TMOD2: variants seen among roughly 807,000 people sequenced by gnomAD.
The protein encoded by TMOD2 is tropomodulin-2.
A neutral mutation model predicts 39.9 loss-of-function variants in TMOD2; 22 were observed. The ratio of observed to expected loss-of-function variants is 0.55; its 90% CI spans 0.39 to 0.79. The LOEUF is 0.79. TMOD2 is among the 30% of genes least tolerant of loss of function. The pLI is 0.00. For synonymous variants in TMOD2, 123 were observed against 146.1 expected (o/e 0.84, Z 1.14); for missense variants, 386 against 413.3 (o/e 0.93, Z 0.57).
At chr15:51,802,139 C>T (rs2056094554) in intron 8 of TMOD2, among the ~76,000 whole-genome samples, 1 of 151,660 alleles carries the variant, frequency 6.6e-6, no homozygotes, top group South Asian at 2.1e-4. Flanking sequence ...AATTCCTCCC[C>T]TTTTTTATAT....
chr15:51,806,014 A>G (rs2056119309), intron 8 of TMOD2, among the ~76,000 whole-genome samples: 1 of 152,254 alleles, frequency 6.6e-6, no homozygotes, highest in South Asian at 2.1e-4. Flanking sequence ...TAGTTTCATT[A>G]TTTTTAAAAC....
chr15:51,801,273 A>ACACACACC (rs2056087138), intron 8 of TMOD2, among the ~76,000 whole-genome samples: 1 of 139,972 alleles, frequency 7.1e-6, no homozygotes, highest in Admixed American at 7.5e-5. Flanking sequence ...ACACACACAC[A>ACACACACC]CACACACACA....
intron 2 of TMOD2, 71 bp from the exon 3 acceptor site, chr15:51,768,191 G>T: frequency 1.9e-6 from 3 of 1,556,958 alleles, no homozygotes; most frequent in Non-Finnish European, 2.6e-6. Flanking sequence ...AGTGAGTGGG[G>T]GTGGAAGAGG....
intron 1 of TMOD2, chr15:51,756,203 C>G (rs1333873965): frequency 6.6e-6 from 1 of 152,184 alleles, no homozygotes; most frequent in African/African-American, 2.4e-5. Context: ...TGCTTCCTAC[C>G]CAGGTGGAAA....
intron 7 of TMOD2, among the ~76,000 whole-genome samples, chr15:51,791,798 G>T (rs2056014226): frequency 6.6e-6 from 1 of 152,186 alleles, no homozygotes; most frequent in African/African-American, 2.4e-5. Flanking sequence ...AAACTGGCTA[G>T]CCATATGCAG....
chr15:51,782,492 A>G (rs1282921206), intron 6 of TMOD2, among the ~76,000 whole-genome samples: 1 of 151,896 alleles, frequency 6.6e-6, no homozygotes, highest in Non-Finnish European at 1.5e-5. Flanking sequence ...AAACAGAAAG[A>G]CGACACTCAG....
In TMOD2 at chr15:51,777,024, T is replaced by C. The variant is rs776228504; in HGVS notation, c.493+6T>C. ...TGGCAAAGGACCTGTCAGAAGTAAG[T>C]TGATGTGCAATCTGTGGTTTTGTAA... On this transcript the variant is annotated splice_donor_region_variant and intron_variant, in intron 5 of 9. Coordinates refer to ENST00000249700, the MANE Select transcript of TMOD2 (RefSeq NM_014548.4). 2.5e-6 allele frequency: 4 copies of C among 1,612,976 alleles called. No individual in the cohort carries two copies. The highest frequency in any genetic ancestry group is 3.4e-6 in the Non-Finnish European group (4 of 1,179,144).
intron 7 of TMOD2, among the ~76,000 whole-genome samples, chr15:51,797,477 T>C (rs1405854707): frequency 6.6e-6 from 1 of 152,242 alleles, no homozygotes; most frequent in Non-Finnish European, 1.5e-5. Flanking sequence ...TCTGTGAATC[T>C]TTCTATTTTC....
chr15:51,798,426 A>C, intron 8 of TMOD2, 86 bp downstream of exon 8: 1 of 1,495,580 alleles, frequency 6.7e-7, no homozygotes, highest in South Asian at 1.2e-5. Flanking sequence ...GTTAAAAGAC[A>C]CAGTTCTGTG....
At chr15:51,758,891 G>T (rs2055760459) in intron 1 of TMOD2, among the ~76,000 whole-genome samples, 1 of 152,118 alleles carries the variant, frequency 6.6e-6, no homozygotes, top group African/African-American at 2.4e-5. Flanking sequence ...TTGGAATTGG[G>T]CCAGGAGGCT....
intron 8 of TMOD2, among the ~76,000 whole-genome samples, chr15:51,805,704 T>C (rs2056117522): frequency 1.3e-5 from 2 of 152,218 alleles, no homozygotes; most frequent in Admixed American, 6.5e-5. Context: ...TTTACCCTGA[T>C]GTGATTATTA....
At chr15:51,789,249 A>C (rs2055992714) in intron 7 of TMOD2, among the ~76,000 whole-genome samples, 1 of 152,236 alleles carries the variant, frequency 6.6e-6, no homozygotes, top group South Asian at 2.1e-4. Flanking sequence ...AACAAAGATC[A>C]AAAGAGACAA....
rs1348316173 is a variant in TMOD2 at position 51,798,341 on chromosome 15, G to T, written c.876+1G>T. ...GACAGAAATCAAGATTGACAACCAG[G>T]TAAGGAAGGCCAGAGAATAGGCAAA... On this transcript the variant is annotated splice_donor_variant, in intron 8 of 9. Transcript: ENST00000249700. LOFTEE classifies it high-confidence loss of function. 1 of 1,613,204 alleles carries T rather than the reference G, an allele frequency of 6.2e-7. No individual in the cohort carries two copies. Among genetic ancestry groups the T allele is most frequent in the African/African-American group, 1.3e-5 (1 of 74,862 alleles).
intron 7 of TMOD2, among the ~76,000 whole-genome samples, chr15:51,795,301 C>T (rs2056040046): frequency 6.6e-6 from 1 of 151,988 alleles, no homozygotes; most frequent in South Asian, 2.1e-4. Context: ...TGGCCCATGC[C>T]TGTAGTCCCA....
At chr15:51,765,136 G>C (rs1033786843) in intron 1 of TMOD2, among the ~76,000 whole-genome samples, 1 of 152,132 alleles carries the variant, frequency 6.6e-6, no homozygotes, top group African/African-American at 2.4e-5. Flanking sequence ...GACTAGCTGG[G>C]ACTACAGGCA....
At chr15:51,803,532 CATTAAAATAT>C (rs1304531529) in intron 8 of TMOD2, among the ~76,000 whole-genome samples, 1 of 152,022 alleles carries the variant, frequency 6.6e-6, no homozygotes, top group African/African-American at 2.4e-5. Context: ...AAGATTTAAA[CATTAAAATAT>C]ATTAAATCAT....
intron 3 of TMOD2, among the ~76,000 whole-genome samples, 169 bp from the exon 4 acceptor site, chr15:51,773,543 G>A (rs939007179): frequency 2.0e-5 from 3 of 152,150 alleles, no homozygotes; most frequent in Non-Finnish European, 2.9e-5. Flanking sequence ...CCCTCTGACA[G>A]TGACTTATTG....
rs1295621812 is a variant in TMOD2, at chr15:51,809,198, A to G, written c.*744A>G. On this transcript the variant is annotated 3_prime_UTR_variant, in exon 10 of 10. Coordinates refer to ENST00000249700, the MANE Select transcript of TMOD2 (RefSeq NM_014548.4). The stretch of plus-strand genomic sequence containing the variant: ...AATCTTTAACATGACTTTAAAGGCT[A>G]TTTACAAAGCTGTTTTAAAGTTTTT... The G allele has an allele frequency of 6.5e-6, 1 of 152,682 alleles. No individual in the cohort carries two copies. The highest frequency in any genetic ancestry group is 1.5e-5 in the Non-Finnish European group (1 of 68,046). 9.5% of individuals were successfully genotyped at this position (152,682 alleles called of 1,614,324 possible).
At chr15:51,806,192 T>C (rs1354716592) in intron 8 of TMOD2, among the ~76,000 whole-genome samples, 185 bp from the exon 9 acceptor site, 2 of 152,254 alleles carry the variant, frequency 1.3e-5, no homozygotes, top group African/African-American at 4.8e-5. Context: ...ATTTTGCTTC[T>C]AGACAAGGAG....
Sources: allele counts gnomAD v4.1 joint callset (sites outside exome capture counted in the v4.1 genomes callset), GRCh38; gene constraint gnomAD v4.1.1; transcripts MANE v1.5; gene names NCBI Gene and HGNC (gene_info 2026-07-23, HGNC 2026-07-21).